Variants in ST8SIA4 observed in about 807,000 individuals in gnomAD.
ST8SIA4 encodes the protein ST8 alpha-N-acetyl-neuraminide alpha-2,8-sialyltransferase 4.
Under a neutral mutation model 33.9 loss-of-function variants are expected in ST8SIA4, and 15 were observed. The ratio of observed to expected loss-of-function variants is 0.44; its 90% CI spans 0.30 to 0.68. The LOEUF (loss-of-function observed/expected upper bound fraction) is 0.68, where lower values mean the gene tolerates loss of function less well. Ranked by LOEUF, ST8SIA4 falls within the 30% of genes least tolerant of loss-of-function variation. The pLI is 0.10. For missense variants in ST8SIA4, 321 were observed against 428.0 expected (o/e 0.75, Z 2.21); for synonymous variants, 171 against 151.2 (o/e 1.13, Z -0.96).
intron 4 of ST8SIA4, among the ~76,000 whole-genome samples, chr5:100,834,165 AC>A (rs1347379629): frequency 6.6e-6 from 1 of 152,164 alleles, no homozygotes; most frequent in Non-Finnish European, 1.5e-5. Context: ...ATGGATATGT[AC>A]TACTGAGGTC....
chr5:100,814,133 G>A (rs1194804522), intron 4 of ST8SIA4, among the ~76,000 whole-genome samples: 3 of 151,990 alleles, frequency 2.0e-5, no homozygotes, highest in Non-Finnish European at 4.4e-5. Context: ...TAACTACAAC[G>A]TTAGAAATGC....
chr5:100,839,164 A>G (rs1751423510), intron 4 of ST8SIA4, among the ~76,000 whole-genome samples: 2 of 151,968 alleles, frequency 1.3e-5, no homozygotes, highest in Non-Finnish European at 2.9e-5. Context: ...GCCAACTTAG[A>G]ATATGCAAAA....
intron 2 of ST8SIA4, among the ~76,000 whole-genome samples, chr5:100,893,932 C>G (rs1752728323): frequency 6.6e-6 from 1 of 152,142 alleles, no homozygotes; most frequent in African/African-American, 2.4e-5. Context: ...ATCTCTCTCT[C>G]TTTCCAATAT....
intron 3 of ST8SIA4, among the ~76,000 whole-genome samples, chr5:100,877,618 TC>T (rs1752333654): frequency 6.6e-6 from 1 of 152,098 alleles, no homozygotes; most frequent in Non-Finnish European, 1.5e-5. Context: ...TTGTTACAAA[TC>T]TAAGAATGTT....
intron 4 of ST8SIA4, among the ~76,000 whole-genome samples, 184 bp from the exon 5 acceptor site, chr5:100,812,313 T>C (rs1307858394): frequency 6.6e-6 from 1 of 152,200 alleles, no homozygotes; most frequent in Non-Finnish European, 1.5e-5. Flanking sequence ...TTCTTCTTTA[T>C]CCTTTATTTT....
intron 1 of ST8SIA4, 125 bp from the exon 2 acceptor site, chr5:100,895,910 G>T: frequency 1.0e-6 from 1 of 960,138 alleles, no homozygotes. Flanking sequence ...CAAGTTAGAA[G>T]GAAATACGCA....
At chr5:100,841,652 G>T (rs1463096961) in intron 4 of ST8SIA4, among the ~76,000 whole-genome samples, 1 of 151,670 alleles carries the variant, frequency 6.6e-6, no homozygotes, top group Non-Finnish European at 1.5e-5. Flanking sequence ...CTTTGTTTGT[G>T]TGTTTTGTCC....
chr5:100,874,907 A>T (rs1401266982), intron 3 of ST8SIA4, among the ~76,000 whole-genome samples: 1 of 152,104 alleles, frequency 6.6e-6, no homozygotes, highest in African/African-American at 2.4e-5. Context: ...TCTGTTTATC[A>T]TCTATCTATC....
intron 4 of ST8SIA4, among the ~76,000 whole-genome samples, chr5:100,839,628 G>A (rs547625950): frequency 5.9e-5 from 9 of 152,000 alleles, no homozygotes; most frequent in Non-Finnish European, 8.8e-5. Flanking sequence ...AACAGCTCAA[G>A]ATCTGTGATA....
At chr5:100,815,943 C>T (rs1424195780) in intron 4 of ST8SIA4, among the ~76,000 whole-genome samples, 1 of 152,158 alleles carries the variant, frequency 6.6e-6, no homozygotes, top group Non-Finnish European at 1.5e-5. Context: ...TATCCCAAAA[C>T]AATCATTCTT....
At chr5:100,825,833 T>A (rs1751131368) in intron 4 of ST8SIA4, among the ~76,000 whole-genome samples, 2 of 152,218 alleles carry the variant, frequency 1.3e-5, no homozygotes, top group South Asian at 4.1e-4. Context: ...TGTAGAGAGA[T>A]TATTCACCTA....
intron 4 of ST8SIA4, among the ~76,000 whole-genome samples, chr5:100,818,116 C>A (rs1402244069): frequency 6.6e-6 from 1 of 152,100 alleles, no homozygotes. Flanking sequence ...TTGAAGGTCA[C>A]AGAAATTGTA....
chr5:100,849,528 T>A, intron 4 of ST8SIA4: 1 of 899,236 alleles, frequency 1.1e-6, no homozygotes. Flanking sequence ...ACGCCTGTAA[T>A]CCCCGCACTT....
chr5:100,820,929 A>C (rs1751020124), intron 4 of ST8SIA4, among the ~76,000 whole-genome samples: 1 of 152,156 alleles, frequency 6.6e-6, no homozygotes, highest in South Asian at 2.1e-4. Flanking sequence ...CACAGATGTT[A>C]ATGGCCTTTT....
chr5:100,897,847 A>G (rs1477156676), intron 1 of ST8SIA4, among the ~76,000 whole-genome samples: 1 of 152,206 alleles, frequency 6.6e-6, no homozygotes, highest in African/African-American at 2.4e-5. Flanking sequence ...AGCATTTAGG[A>G]TGCCAGAAAA....
intron 3 of ST8SIA4, among the ~76,000 whole-genome samples, chr5:100,864,569 C>T (rs1172157926): frequency 1.2e-4 from 13 of 105,616 alleles, no homozygotes; most frequent in Non-Finnish European, 1.1e-4. Context: ...AGCAAGACTC[C>T]GGCTCAAAAA....
chr5:100,872,444 C>G (rs1221083941), intron 3 of ST8SIA4, among the ~76,000 whole-genome samples: 1 of 151,902 alleles, frequency 6.6e-6, no homozygotes, highest in African/African-American at 2.4e-5. Flanking sequence ...TCCTTTTTGT[C>G]TGATAGGATT....
Position 100,810,662 on chromosome 5 carries a change from T to C in ST8SIA4, c.*1185A>G, listed in dbSNP as rs1428662113. 2 of 152,622 alleles carry C rather than the reference T, an allele frequency of 1.3e-5. No homozygotes were observed. Among genetic ancestry groups the C allele is most frequent in the East Asian group, 3.9e-4 (2 of 5,194 alleles). 9.5% of individuals were successfully genotyped at this position (152,622 alleles called of 1,614,324 possible). A position where few individuals can be genotyped will look rare whatever the true frequency, so the allele number is the denominator to read the frequency against. ...CAAAATAATATATTCATGTTAATAA[T>C]ATATTATTTTCATGAAAGAAAAATG... On this transcript the variant is annotated 3_prime_UTR_variant, in exon 5 of 5. Transcript: ENST00000231461.
chr5:100,851,512 AC>A (rs1289147215), intron 4 of ST8SIA4, among the ~76,000 whole-genome samples: 1 of 152,142 alleles, frequency 6.6e-6, no homozygotes, highest in Non-Finnish European at 1.5e-5. Context: ...ATTAAAAAAA[AC>A]AAGCTGTATT....
Sources: gnomAD v4.1 joint callset for allele counts (sites outside exome capture counted in the v4.1 genomes callset) on GRCh38, gnomAD v4.1.1 for gene constraint, MANE v1.5 for transcripts, NCBI Gene and HGNC (gene_info 2026-07-23, HGNC 2026-07-21) for gene names.